The following STK10 variants were observed in gnomAD, a reference collection of about 807,000 sequenced individuals.
The protein encoded by STK10 is serine/threonine-protein kinase 10.
Under a neutral mutation model 113.8 loss-of-function variants are expected in STK10, and 78 were observed. The observed-to-expected ratio is 0.69, with a 90% confidence interval of 0.57 to 0.83. The LOEUF is 0.83. Among genes scored for constraint, STK10 ranks in the 40% least tolerant of loss-of-function variants. The pLI is 0.00. For missense variants in STK10, 1,109 were observed against 1,280.1 expected (o/e 0.87, Z 2.04); for synonymous variants, 465 against 494.7 (o/e 0.94, Z 0.80).
rs1384561865 is a variant in STK10, at chr5:172,076,215, G to A, written c.1989+6111C>T. Among the ~76,000 whole-genome samples, 6 of 106,798 alleles carry A rather than the reference G, an allele frequency of 5.6e-5. No individual in the cohort carries two copies. In the East Asian group the frequency reaches 1.2e-3, roughly 21 times the overall value. 70.1% of individuals were successfully genotyped at this position (106,798 alleles called of 152,430 possible). A position where few individuals can be genotyped will look rare whatever the true frequency, so the allele number is the denominator to read the frequency against. ...GGGCTGTCCTGTGCATTTGTTGTGG[G>A]GGCGTCCTGTGCATTTGTTGTGGGG... On this transcript the variant is annotated intron_variant, in intron 12 of 18. Coordinates refer to ENST00000176763, the MANE Select transcript of STK10 (RefSeq NM_005990.4).
chr5:172,051,687 G>GT, intron 18 of STK10, among the ~76,000 whole-genome samples: 1 of 152,254 alleles, frequency 6.6e-6, no homozygotes, highest in Middle Eastern at 3.4e-3. Context: ...AAAGGGGCTA[G>GT]TGACAGAGAA....
chr5:172,125,389 AT>A (rs112899539), intron 3 of STK10, among the ~76,000 whole-genome samples: 24,100 of 143,268 alleles, frequency 0.17, 1,942 homozygotes, highest in African/African-American at 0.24. Context: ...ACTTTTTTTC[AT>A]TTTTTTTTTT....
At chr5:172,128,217 G>A (rs1196036622) in intron 2 of STK10, among the ~76,000 whole-genome samples, 8 of 53,360 alleles carry the variant, frequency 1.5e-4, no homozygotes, top group African/African-American at 4.2e-4. Context: ...GGGAGACTCC[G>A]TCTCAAAAAA....
At chr5:172,116,237 C>T (rs1033717885) in intron 4 of STK10, among the ~76,000 whole-genome samples, 21 of 151,996 alleles carry the variant, frequency 1.4e-4, no homozygotes, top group Non-Finnish European at 1.8e-4. Flanking sequence ...TGTGCCACCA[C>T]GCCCGGCTAA....
Position 172,133,916 on chromosome 5 carries a change from G to A in STK10, c.322-6495C>T, listed in dbSNP as rs10476008. Among the ~76,000 whole-genome samples, 3,486 of 152,184 alleles carry A rather than the reference G, an allele frequency of 0.023. 136 individuals are homozygous for A. Among genetic ancestry groups the A allele is most frequent in the African/African-American group, 0.078 (3,222 of 41,522 alleles). On this transcript the variant is annotated intron_variant, in intron 2 of 18. Coordinates refer to ENST00000176763, the MANE Select transcript of STK10 (RefSeq NM_005990.4). This position sits in a 1 kb window ranked among gnomAD's most constrained non-coding sequence, Gnocchi z 4.9. ...TACCAGCTGAAAATGCTACACCAAC[G>A]GCTCTCCAACTTGAACGTTCAGCAG...
chr5:172,162,734 C>T (rs1036846051), intron 1 of STK10, among the ~76,000 whole-genome samples: 1 of 152,158 alleles, frequency 6.6e-6, no homozygotes, highest in African/African-American at 2.4e-5. Flanking sequence ...GGCCAAGGGC[C>T]CCCCTTCAAT....
chr5:172,175,268 C>CTATA (rs1410292434), intron 1 of STK10, among the ~76,000 whole-genome samples: 1 of 151,996 alleles, frequency 6.6e-6, no homozygotes, highest in East Asian at 1.9e-4. Context: ...GCCAGCCCTG[C>CTATA]TATAGTCTGT....
chr5:172,135,716 T>C lies in STK10; in HGVS notation c.322-8295A>G, dbSNP rs1186899500. Among the ~76,000 whole-genome samples, 3 of 152,174 alleles carry C rather than the reference T, an allele frequency of 2.0e-5. No individual in the cohort carries two copies. In the East Asian group the frequency reaches 5.8e-4, roughly 29 times the overall value. On this transcript the variant is annotated intron_variant, in intron 2 of 18. Coordinates refer to ENST00000176763, the MANE Select transcript of STK10 (RefSeq NM_005990.4). Reference sequence around the variant, plus strand: ...TAGATCCAAAAGAATTTTTAAAATATGTTCATTAGCTAAACAGACTAAGTT... The same window carrying C: ...TAGATCCAAAAGAATTTTTAAAATACGTTCATTAGCTAAACAGACTAAGTT...
intron 4 of STK10, among the ~76,000 whole-genome samples, chr5:172,111,842 TAAAG>T (rs990486445): frequency 9.8e-5 from 15 of 152,328 alleles, no homozygotes; most frequent in African/African-American, 3.4e-4. Context: ...CATAAATAAA[TAAAG>T]AGACAGAATT....
At position 172,188,082 on chromosome 5, in the gene STK10, G is replaced by C; in HGVS notation, c.-40C>G. On this transcript the variant is annotated 5_prime_UTR_variant, in exon 1 of 19. Coordinates refer to ENST00000176763, the MANE Select transcript of STK10 (RefSeq NM_005990.4). The surrounding 1 kb of genome is among the most constrained non-coding windows in gnomAD (Gnocchi z 5.6). ...TGGCGCCGGCTCGGGCTCGGGCTCG[G>C]GCTCGGGCTGTGGCTTCGGCGGCCG... The C allele has an allele frequency of 6.3e-7, 1 of 1,597,388 alleles. No homozygotes were observed. Among genetic ancestry groups the C allele is most frequent in the Non-Finnish European group, 8.5e-7 (1 of 1,172,054 alleles).
In STK10 at chr5:172,043,523, A is replaced by AT. The variant is rs1232131847; in HGVS notation, c.*1358dup. 6.6e-6 allele frequency: 1 copy of AT among 152,216 alleles called. No homozygotes were observed. Among genetic ancestry groups the AT allele is most frequent in the Non-Finnish European group, 1.5e-5 (1 of 68,046 alleles). The allele number at this position is 152,216 out of a possible 1,614,324, so 9.4% of individuals were successfully genotyped here. ...TCTTGTTTGTTGTTTTAAAAAGCAGATATCTTCCTGGAGAAACCATACATT... is the reference window on the plus strand; with the variant it reads ...TCTTGTTTGTTGTTTTAAAAAGCAGATTATCTTCCTGGAGAAACCATACATT... On this transcript the variant is annotated 3_prime_UTR_variant, in exon 19 of 19. Coordinates refer to ENST00000176763, the MANE Select transcript of STK10 (RefSeq NM_005990.4).
intron 2 of STK10, among the ~76,000 whole-genome samples, chr5:172,149,123 T>C (rs946045810): frequency 6.6e-6 from 1 of 152,060 alleles, no homozygotes; most frequent in Non-Finnish European, 1.5e-5. Flanking sequence ...GTTGAGATCA[T>C]GCCACTCCAC....
intron 2 of STK10, among the ~76,000 whole-genome samples, chr5:172,150,414 G>A (rs999101783): frequency 3.3e-5 from 5 of 151,368 alleles, no homozygotes; most frequent in Non-Finnish European, 7.4e-5. Flanking sequence ...CTGGGAGGCA[G>A]AGGTTGCAGT....
chr5:172,113,047 C>G (rs902981904), intron 4 of STK10, among the ~76,000 whole-genome samples: 1 of 152,300 alleles, frequency 6.6e-6, no homozygotes, highest in South Asian at 2.1e-4. Context: ...CGCGCCCGAC[C>G]CACTTTTGTT....
chr5:172,154,914 GCA>G (rs938088278), intron 2 of STK10, among the ~76,000 whole-genome samples: 2 of 152,154 alleles, frequency 1.3e-5, no homozygotes, highest in Non-Finnish European at 2.9e-5. Context: ...AAAAGGCCAA[GCA>G]CACAGTAAAC....
At chr5:172,051,199 C>G (rs1018169071) in intron 18 of STK10, among the ~76,000 whole-genome samples, 7 of 152,132 alleles carry the variant, frequency 4.6e-5, no homozygotes, top group African/African-American at 1.7e-4. Context: ...CTGAGTTATG[C>G]AGATCTTCCA....
chr5:172,172,702 G>A (rs772220690), intron 1 of STK10, among the ~76,000 whole-genome samples: 2 of 152,334 alleles, frequency 1.3e-5, no homozygotes, highest in Middle Eastern at 3.4e-3. Flanking sequence ...TGAAGTGGCC[G>A]GGCGCAGTGG....
chr5:172,164,539 G>C (rs1581187133), intron 1 of STK10, among the ~76,000 whole-genome samples: 1 of 152,204 alleles, frequency 6.6e-6, no homozygotes, highest in Non-Finnish European at 1.5e-5. Flanking sequence ...CAAAGGATTA[G>C]GAATTGAATT....
At chr5:172,185,321 T>C (rs540838256) in intron 1 of STK10, among the ~76,000 whole-genome samples, 4 of 152,068 alleles carry the variant, frequency 2.6e-5, no homozygotes. Context: ...CAGGCTGGAG[T>C]GCAGTGGCGC....
Sources: gnomAD v4.1 joint callset for allele counts (sites outside exome capture counted in the v4.1 genomes callset) on GRCh38, gnomAD v4.1.1 for gene constraint, Gnocchi (gnomAD v3.1) non-coding constraint, MANE v1.5 for transcripts, NCBI Gene and HGNC (gene_info 2026-07-23, HGNC 2026-07-21) for gene names.